Variants in CNTN3 observed in about 807,000 individuals in gnomAD.
The protein encoded by CNTN3 is contactin 3, also known as contactin-3.
A neutral mutation model predicts 119.1 loss-of-function variants in CNTN3; 60 were observed. That is an observed-to-expected ratio of 0.50 (90% CI 0.41 to 0.62). The LOEUF (loss-of-function observed/expected upper bound fraction) is 0.62. CNTN3 is among the 20% of genes least tolerant of loss of function. The probability of loss-of-function intolerance (pLI) is 0.00; values close to 1 mark genes in which losing one functional copy is unlikely to be tolerated. For synonymous variants in CNTN3, 450 were observed against 438.7 expected (o/e 1.03, Z -0.32); for missense variants, 1,101 against 1,242.4 (o/e 0.89, Z 1.71).
chr3:74,355,660 G>C (rs1280947546), intron 11 of CNTN3, among the ~76,000 whole-genome samples: 2 of 151,906 alleles, frequency 1.3e-5, no homozygotes, highest in Non-Finnish European at 2.9e-5. Context: ...TCACCATGTT[G>C]GCCAGGCTGG....
intron 1 of CNTN3, among the ~76,000 whole-genome samples, chr3:74,595,933 A>G (rs2106695601): frequency 6.6e-6 from 1 of 152,142 alleles, no homozygotes; most frequent in South Asian, 2.1e-4. Flanking sequence ...TAGTATATCT[A>G]GAAAACCCCA....
At chr3:74,481,008 A>T (rs957167987) in intron 4 of CNTN3, among the ~76,000 whole-genome samples, 4 of 151,960 alleles carry the variant, frequency 2.6e-5, no homozygotes, top group Non-Finnish European at 5.9e-5. Context: ...TATTAATATA[A>T]CAATATTAAT....
chr3:74,406,051 T>C (rs1157562790), intron 5 of CNTN3, among the ~76,000 whole-genome samples: 1 of 152,122 alleles, frequency 6.6e-6, no homozygotes, highest in Non-Finnish European at 1.5e-5. Flanking sequence ...GTTGGTCATT[T>C]AGAATATTTA....
intron 5 of CNTN3, among the ~76,000 whole-genome samples, chr3:74,397,564 G>T (rs542652852): frequency 2.0e-5 from 3 of 151,700 alleles, no homozygotes; most frequent in Middle Eastern, 3.4e-3. Flanking sequence ...ATTCCCTGAG[G>T]CAAATAATAT....
At chr3:74,285,795 A>G (rs750293561) in intron 19 of CNTN3, among the ~76,000 whole-genome samples, 48 of 42,242 alleles carry the variant, frequency 1.1e-3, no homozygotes, top group Non-Finnish European at 1.9e-3. Context: ...GGGGAGATAT[A>G]TATATATATA....
intron 5 of CNTN3, among the ~76,000 whole-genome samples, chr3:74,392,049 G>A (rs570783154): frequency 1.3e-5 from 2 of 152,194 alleles, no homozygotes; most frequent in South Asian, 4.1e-4. Context: ...GATAGGCCCT[G>A]AGATGGGGGA....
rs527540473 is a variant in CNTN3 at position 74,325,507 on chromosome 3, A to C, written c.1668+9228T>G. ...GGCTTCTCAGCCATCTGTTGGCAAA[A>C]ATTTTAAAAAAATGAAGGAAAAACT... On this transcript the variant is annotated intron_variant, in intron 13 of 22. Transcript: ENST00000263665. Among the ~76,000 whole-genome samples, 224 of 152,238 alleles carry C rather than the reference A, an allele frequency of 1.5e-3. 3 individuals are homozygous for C. Among genetic ancestry groups the C allele is most frequent in the African/African-American group, 5.1e-3 (212 of 41,544 alleles).
chr3:74,366,798 A>ATATATATATG (rs1240352738), intron 8 of CNTN3, among the ~76,000 whole-genome samples: 1 of 132,946 alleles, frequency 7.5e-6, no homozygotes, highest in East Asian at 2.1e-4. Context: ...ATATATATAT[A>ATATATATATG]TATATATATA....
intron 1 of CNTN3, among the ~76,000 whole-genome samples, chr3:74,530,345 T>G (rs972471475): frequency 2.0e-5 from 3 of 151,788 alleles, no homozygotes; most frequent in African/African-American, 7.3e-5. Flanking sequence ...GCAAAACCAT[T>G]TGCCTGGTTC....
chr3:74,593,426 G>C (rs1704737969), intron 1 of CNTN3, among the ~76,000 whole-genome samples: 1 of 152,000 alleles, frequency 6.6e-6, no homozygotes. Context: ...ACAACTTCGT[G>C]TGACTTTAAA....
chr3:74,365,100 T>C (rs959214486), intron 9 of CNTN3, among the ~76,000 whole-genome samples: 1 of 152,048 alleles, frequency 6.6e-6, no homozygotes, highest in Non-Finnish European at 1.5e-5. Flanking sequence ...AAGAACACAA[T>C]TGACTTAGTA....
chr3:74,413,656 T>C (rs1363686260), intron 5 of CNTN3, among the ~76,000 whole-genome samples: 1 of 152,228 alleles, frequency 6.6e-6, no homozygotes, highest in Non-Finnish European at 1.5e-5. Flanking sequence ...TTGAATTACT[T>C]GGCTGCATGC....
chr3:74,493,931 A>C (rs6763057), intron 3 of CNTN3, among the ~76,000 whole-genome samples: 71,064 of 151,978 alleles, frequency 0.47, 19,112 homozygotes, highest in Non-Finnish European at 0.61. Flanking sequence ...ACTCATCGAT[A>C]AATTTTGAAC....
intron 1 of CNTN3, among the ~76,000 whole-genome samples, chr3:74,607,198 A>C (rs992843201): frequency 1.3e-5 from 2 of 152,152 alleles, no homozygotes; most frequent in African/African-American, 4.8e-5. Context: ...CTTTGGTACA[A>C]ATATGCCTTA....
chr3:74,346,650 A>G (rs1247809812), intron 11 of CNTN3, among the ~76,000 whole-genome samples: 2 of 152,156 alleles, frequency 1.3e-5, no homozygotes, highest in African/African-American at 2.4e-5. Flanking sequence ...GGATCACAAT[A>G]TAGGAGGCAG....
intron 2 of CNTN3, among the ~76,000 whole-genome samples, chr3:74,510,754 G>T (rs1399581142): frequency 8.6e-5 from 13 of 152,024 alleles, no homozygotes; most frequent in Non-Finnish European, 5.9e-5. Flanking sequence ...CCAAATCTAT[G>T]AGAAATCATT....
intron 5 of CNTN3, among the ~76,000 whole-genome samples, chr3:74,408,056 T>C (rs1217641869): frequency 1.3e-5 from 2 of 152,156 alleles, no homozygotes; most frequent in Non-Finnish European, 2.9e-5. Flanking sequence ...CAGACAATCA[T>C]TGGCTTTCTG....
At chr3:74,405,203 A>G (rs919860620) in intron 5 of CNTN3, among the ~76,000 whole-genome samples, 1 of 152,074 alleles carries the variant, frequency 6.6e-6, no homozygotes. Context: ...AAAGAAAGGG[A>G]TTTGACATCA....
In CNTN3 at chr3:74,384,194, G is replaced by A. The variant is rs138355356; in HGVS notation, c.455-12795C>T. ...AACAACTATAATAGAAGTTATAAGA[G>A]CACTGTCCCCTGACATTTTTTAGTT... On this transcript the variant is annotated intron_variant, in intron 5 of 22. Transcript: ENST00000263665. 3.6e-3 allele frequency among the ~76,000 whole-genome samples: 548 copies of A among 152,260 alleles called. 19 individuals carry two copies. Among genetic ancestry groups the A allele is most frequent in the Admixed American group, 0.032 (483 of 15,290 alleles).
Sources: allele counts gnomAD v4.1 joint callset (sites outside exome capture counted in the v4.1 genomes callset), GRCh38; gene constraint gnomAD v4.1.1; transcripts MANE v1.5; gene names NCBI Gene and HGNC (gene_info 2026-07-23, HGNC 2026-07-21).